Variants in IMMP2L observed in about 807,000 individuals in gnomAD.
IMMP2L encodes inner mitochondrial membrane peptidase subunit 2.
A neutral mutation model predicts 19.3 loss-of-function variants in IMMP2L; 18 were observed. That is an observed-to-expected ratio of 0.93 (90% CI 0.64 to 1.38). The LOEUF is 1.38. Ranked by LOEUF, IMMP2L falls within the 40% of genes most tolerant of loss-of-function variation. The pLI is 0.00. For synonymous variants in IMMP2L, 76 were observed against 73.0 expected, an observed-to-expected ratio of 1.04 and a Z score of -0.21; for missense variants, 233 against 218.2, an observed-to-expected ratio of 1.07 and a Z score of -0.43.
At chr7:111,122,111 T>C (rs1045857342) in intron 3 of IMMP2L, among the ~76,000 whole-genome samples, 1 of 150,108 alleles carries the variant, frequency 6.7e-6, no homozygotes, top group African/African-American at 2.4e-5. Context: ...TTAGGAGATA[T>C]ACCTAATGTT....
intron 3 of IMMP2L, among the ~76,000 whole-genome samples, chr7:111,452,059 T>C (rs959461155): frequency 3.3e-5 from 5 of 152,132 alleles, no homozygotes; most frequent in African/African-American, 1.2e-4. Flanking sequence ...TTGGAGACAT[T>C]ACATTATTCA....
rs1426663771 is a variant in IMMP2L at position 111,504,752 on chromosome 7, GA to G, written c.135+16560del. On this transcript the variant is annotated intron_variant, in intron 2 of 5. Coordinates refer to ENST00000405709, the MANE Select transcript of IMMP2L (RefSeq NM_032549.4). The stretch of plus-strand genomic sequence containing the variant: ...TTTCCTATTTAATAAATGGTGCTGG[GA>G]AAACTGGCTAGCCATGTGTAGAAAG... Among the ~76,000 whole-genome samples the G allele has an allele frequency of 3.9e-5, 6 of 152,160 alleles. 1 individual carries two copies. Among genetic ancestry groups the G allele is most frequent in the Non-Finnish European group, 8.8e-5 (6 of 68,020 alleles).
intron 3 of IMMP2L, among the ~76,000 whole-genome samples, chr7:111,476,638 A>T (rs1228995397): frequency 6.6e-6 from 1 of 152,156 alleles, no homozygotes; most frequent in Non-Finnish European, 1.5e-5. Flanking sequence ...TTCCAGGCTC[A>T]TTAAGTTGTT....
intron 3 of IMMP2L, among the ~76,000 whole-genome samples, chr7:111,170,870 C>T (rs1806360310): frequency 1.1e-5 from 1 of 92,926 alleles, no homozygotes; most frequent in South Asian, 4.5e-4. Flanking sequence ...ACAACAGTAC[C>T]TAAAAGGTAA....
chr7:110,931,176 A>G (rs76180230), intron 4 of IMMP2L, among the ~76,000 whole-genome samples: 331 of 152,256 alleles, frequency 2.2e-3, no homozygotes, highest in Non-Finnish European at 3.4e-3. Flanking sequence ...ACCTCATTCT[A>G]TATGTTTTGC....
intron 3 of IMMP2L, among the ~76,000 whole-genome samples, chr7:111,021,755 C>T (rs1301723955): frequency 6.6e-6 from 1 of 152,050 alleles, no homozygotes; most frequent in Non-Finnish European, 1.5e-5. Context: ...TGGTGGCAGG[C>T]ACCTGTAATC....
At chr7:110,810,034 CT>C (rs1162348084) in intron 5 of IMMP2L, among the ~76,000 whole-genome samples, 1 of 152,130 alleles carries the variant, frequency 6.6e-6, no homozygotes, top group Admixed American at 6.6e-5. Flanking sequence ...TAAAGGCTTC[CT>C]TCCTAAATGC....
At chr7:111,514,514 A>C (rs1227437124) in intron 2 of IMMP2L, among the ~76,000 whole-genome samples, 1 of 152,132 alleles carries the variant, frequency 6.6e-6, no homozygotes, top group African/African-American at 2.4e-5. Context: ...AACTTAAAGT[A>C]TAATAAAAAT....
At chr7:111,082,400 C>T (rs1040874231) in intron 3 of IMMP2L, among the ~76,000 whole-genome samples, 5 of 152,172 alleles carry the variant, frequency 3.3e-5, no homozygotes, top group Non-Finnish European at 7.3e-5. Context: ...CACCTTCTGT[C>T]TCATGGAATG....
chr7:111,183,209 T>C (rs17441095), intron 3 of IMMP2L, among the ~76,000 whole-genome samples: 6,360 of 152,184 alleles, frequency 0.042, 201 homozygotes, highest in South Asian at 0.081. Context: ...AAACATTGTG[T>C]TTTTATGAAA....
At chr7:111,466,165 T>C (rs868374847) in intron 3 of IMMP2L, among the ~76,000 whole-genome samples, 4 of 152,034 alleles carry the variant, frequency 2.6e-5, no homozygotes, top group African/African-American at 9.7e-5. Flanking sequence ...TCACACACTG[T>C]GGCCTGTTGT....
intron 3 of IMMP2L, among the ~76,000 whole-genome samples, chr7:111,121,792 A>G (rs540279694): frequency 5.5e-4 from 84 of 152,294 alleles, no homozygotes; most frequent in Non-Finnish European, 7.8e-4. Context: ...TGTTTATTGC[A>G]GCAGTATTCA....
At chr7:110,670,927 T>C (rs957613645) in intron 5 of IMMP2L, among the ~76,000 whole-genome samples, 1 of 152,226 alleles carries the variant, frequency 6.6e-6, no homozygotes, top group Non-Finnish European at 1.5e-5. Flanking sequence ...TGGAACTTGA[T>C]TCTCCCCTTT....
intron 3 of IMMP2L, among the ~76,000 whole-genome samples, chr7:111,343,527 C>A (rs1296062263): frequency 6.6e-6 from 1 of 152,166 alleles, no homozygotes; most frequent in East Asian, 1.9e-4. Flanking sequence ...CCGGCGCACC[C>A]AGTGCTTCAC....
rs147862104 is a variant in IMMP2L, at chr7:110,791,725, C to G, written c.408+94868G>C. The stretch of plus-strand genomic sequence containing the variant: ...TACCTTCTAATACTCCTGAATTTAA[C>G]AATTGCCAGATGCTCTCTGAGAGGA... On this transcript the variant is annotated intron_variant, in intron 5 of 5. Transcript: ENST00000405709. Among the ~76,000 whole-genome samples, 31 of 151,894 alleles carry G rather than the reference C, an allele frequency of 2.0e-4. 2 individuals carry two copies. The highest frequency in any genetic ancestry group is 7.0e-4 in the African/African-American group (29 of 41,236).
intron 5 of IMMP2L, among the ~76,000 whole-genome samples, chr7:110,783,046 G>T (rs1486674904): frequency 6.6e-6 from 1 of 151,842 alleles, no homozygotes; most frequent in Non-Finnish European, 1.5e-5. Flanking sequence ...AGCTGGAAAT[G>T]TGCGTTCTTG....
At chr7:111,342,509 T>C (rs954589385) in intron 3 of IMMP2L, among the ~76,000 whole-genome samples, 3 of 151,964 alleles carry the variant, frequency 2.0e-5, no homozygotes, top group Admixed American at 1.3e-4. Context: ...GGAGAATCCC[T>C]TGAACCAGGG....
At chr7:110,824,974 T>A (rs1274530078) in intron 5 of IMMP2L, among the ~76,000 whole-genome samples, 1 of 152,144 alleles carries the variant, frequency 6.6e-6, no homozygotes, top group Non-Finnish European at 1.5e-5. Context: ...CTTAAGCTGA[T>A]AAGCAACTTC....
Position 110,907,113 on chromosome 7 carries a change from T to A in IMMP2L, c.306-20418A>T, listed in dbSNP as rs182400337. Among the ~76,000 whole-genome samples the A allele has an allele frequency of 4.5e-4, 68 of 152,178 alleles. No homozygotes were observed. The East Asian group carries it at 0.013, about 28-fold the overall frequency. On this transcript the variant is annotated intron_variant, in intron 4 of 5. Coordinates refer to ENST00000405709, the MANE Select transcript of IMMP2L (RefSeq NM_032549.4). ...CTGAAGCCCCAGAAGGAGTGTTACGTATAGTAACACTTTAGTTTTGCCATT... is the reference window on the plus strand; with the variant it reads ...CTGAAGCCCCAGAAGGAGTGTTACGAATAGTAACACTTTAGTTTTGCCATT...
Sources: allele counts gnomAD v4.1 joint callset (sites outside exome capture counted in the v4.1 genomes callset), GRCh38; gene constraint gnomAD v4.1.1; transcripts MANE v1.5; gene names NCBI Gene and HGNC (gene_info 2026-07-23, HGNC 2026-07-21).